The following CEP112 variants were observed in gnomAD, a reference collection of about 807,000 sequenced individuals.
CEP112 encodes centrosomal protein of 112 kDa.
In CEP112, 127 loss-of-function variants were observed where a neutral mutation model predicts 153.0. The observed-to-expected ratio is 0.83, with a 90% CI of 0.72 to 0.96. The LOEUF (loss-of-function observed/expected upper bound fraction) is 0.96, where lower values mean the gene tolerates loss of function less well. CEP112 is among the 40% of genes least tolerant of loss of function. The probability of loss-of-function intolerance (pLI) is 0.00; values close to 1 mark genes in which losing one functional copy is unlikely to be tolerated. For synonymous variants in CEP112, 358 were observed against 374.4 expected, an observed-to-expected ratio of 0.96 and a Z score of 0.51; for missense variants, 1,089 against 1,101.2, an observed-to-expected ratio of 0.99 and a Z score of 0.16.
intron 18 of CEP112, among the ~76,000 whole-genome samples, chr17:65,956,305 T>C (rs753588027): frequency 1.3e-5 from 2 of 152,014 alleles, no homozygotes; most frequent in Non-Finnish European, 2.9e-5. Context: ...TGCACATGCA[T>C]GTTTATAGCA....
chr17:66,112,013 G>T (rs142409036), intron 6 of CEP112, among the ~76,000 whole-genome samples: 1 of 152,106 alleles, frequency 6.6e-6, no homozygotes, highest in African/African-American at 2.4e-5. Context: ...TGAAAAGGCC[G>T]GGTGCGGTGG....
At chr17:66,020,991 G>C (rs1254865629) in intron 16 of CEP112, among the ~76,000 whole-genome samples, 1 of 152,116 alleles carries the variant, frequency 6.6e-6, no homozygotes, top group African/African-American at 2.4e-5. Context: ...TGAGAACTGA[G>C]TGAAGCTCCA....
chr17:65,701,494 A>G (rs939910131), intron 23 of CEP112, among the ~76,000 whole-genome samples: 3 of 152,222 alleles, frequency 2.0e-5, no homozygotes, highest in Admixed American at 6.5e-5. Context: ...CATGAGTTCC[A>G]TTTTAAAGTC....
Position 65,853,694 on chromosome 17 carries a change from C to T in CEP112, c.2164-1660G>A, listed in dbSNP as rs1354372195. 4.0e-5 allele frequency among the ~76,000 whole-genome samples: 6 copies of T among 150,596 alleles called. No homozygotes were observed. In the East Asian group the frequency reaches 7.9e-4, roughly 20 times the overall value. On this transcript the variant is annotated intron_variant, in intron 20 of 26. Coordinates refer to ENST00000535342, the MANE Select transcript of CEP112 (RefSeq NM_001199165.4). ...AGTGAGCTGAAATTGCGCCACTGCA[C>T]TCCCGCCTGGGCAACAGAGCGAGAC...
At position 65,887,108 on chromosome 17, in the gene CEP112, G is replaced by C. The variant is rs137943867; in HGVS notation, c.2163+15044C>G. Reference sequence around the variant, plus strand: ...GAGTAGTAGCAAGAAAAAAAAAACAGGTTTCCCCACCAATGGATATGCCTG... The same window carrying C: ...GAGTAGTAGCAAGAAAAAAAAAACACGTTTCCCCACCAATGGATATGCCTG... On this transcript the variant is annotated intron_variant, in intron 20 of 26. Transcript: ENST00000535342. Among the ~76,000 whole-genome samples, 1,185 of 152,008 alleles carry C rather than the reference G, an allele frequency of 7.8e-3. 18 individuals carry two copies. The highest frequency in any genetic ancestry group is 0.027 in the African/African-American group (1,109 of 41,402).
chr17:65,957,783 C>A (rs925342734), intron 18 of CEP112, among the ~76,000 whole-genome samples: 2 of 151,986 alleles, frequency 1.3e-5, no homozygotes, highest in Admixed American at 1.3e-4. Context: ...CTTTTCAAGA[C>A]TTTTATGAGA....
intron 12 of CEP112, among the ~76,000 whole-genome samples, chr17:66,035,817 G>A (rs981112108): frequency 6.6e-6 from 1 of 152,044 alleles, no homozygotes; most frequent in African/African-American, 2.4e-5. Flanking sequence ...AAACATACCA[G>A]GAAAACCAAA....
rs112509124 is a variant in CEP112, at chr17:65,694,567, C to T, written c.2608-5349G>A. 6.6e-3 allele frequency among the ~76,000 whole-genome samples: 1,003 copies of T among 152,192 alleles called. 11 individuals are homozygous for T. Among genetic ancestry groups the T allele is most frequent in the African/African-American group, 0.023 (947 of 41,522 alleles). The stretch of plus-strand genomic sequence containing the variant: ...TGTATTTAGAAATGACTTTCGTTAC[C>T]TATTAAAGATCAGTTAAAAAACTGA... On this transcript the variant is annotated intron_variant, in intron 23 of 26. Transcript: ENST00000535342.
chr17:65,893,069 A>G (rs2059529365), intron 20 of CEP112, among the ~76,000 whole-genome samples: 1 of 152,074 alleles, frequency 6.6e-6, no homozygotes, highest in Admixed American at 6.6e-5. Context: ...TCCACTGGAA[A>G]ATCCCCTTGT....
At chr17:65,990,843 G>T (rs905308648) in intron 17 of CEP112, among the ~76,000 whole-genome samples, 1 of 152,230 alleles carries the variant, frequency 6.6e-6, no homozygotes, top group Non-Finnish European at 1.5e-5. Flanking sequence ...CCCAAGCCCT[G>T]GGCAGTGGCC....
At chr17:65,794,661 T>A (rs974387224) in intron 21 of CEP112, among the ~76,000 whole-genome samples, 1 of 152,200 alleles carries the variant, frequency 6.6e-6, no homozygotes, top group Non-Finnish European at 1.5e-5. Flanking sequence ...ATTTTCTCCT[T>A]CGAATGTACC....
At chr17:65,649,073 A>AACAAAC (rs1378813988) in intron 24 of CEP112, among the ~76,000 whole-genome samples, 31 of 139,964 alleles carry the variant, frequency 2.2e-4, no homozygotes, top group East Asian at 4.2e-4. Context: ...CAAACAAACA[A>AACAAAC]ACACACACAC....
At chr17:66,035,273 C>T (rs935878820) in intron 12 of CEP112, among the ~76,000 whole-genome samples, 3 of 151,952 alleles carry the variant, frequency 2.0e-5, no homozygotes, top group Non-Finnish European at 2.9e-5. Context: ...TATGAGAGGA[C>T]GTGGTTCCTG....
chr17:66,027,103 G>A (rs184692574), intron 16 of CEP112, among the ~76,000 whole-genome samples: 41 of 152,290 alleles, frequency 2.7e-4, no homozygotes, highest in East Asian at 7.7e-4. Flanking sequence ...TTGGCTGGGC[G>A]CAATGGCTCA....
chr17:66,014,342 G>A (rs1004439523), intron 16 of CEP112, among the ~76,000 whole-genome samples: 4 of 152,174 alleles, frequency 2.6e-5, no homozygotes, highest in African/African-American at 9.7e-5. Context: ...AGTCTGCACT[G>A]TAAGCAGGCA....
intron 23 of CEP112, among the ~76,000 whole-genome samples, chr17:65,698,063 C>T (rs977000940): frequency 7.9e-5 from 12 of 151,918 alleles, no homozygotes; most frequent in African/African-American, 4.8e-5. Context: ...CCCAGCAACA[C>T]TTATTTTTTT....
chr17:66,053,614 T>TA, intron 12 of CEP112, 122 bp downstream of exon 12: 3 of 949,962 alleles, frequency 3.2e-6, no homozygotes, highest in Non-Finnish European at 4.6e-6. Flanking sequence ...AGTAGGAAGG[T>TA]AAAGTTTTTC....
chr17:65,670,650 A>G (rs2046938413), intron 24 of CEP112, among the ~76,000 whole-genome samples: 1 of 152,216 alleles, frequency 6.6e-6, no homozygotes, highest in Non-Finnish European at 1.5e-5. Context: ...ATCAATACAT[A>G]TTACATATTA....
chr17:66,182,813 C>T (rs997061363), intron 2 of CEP112, among the ~76,000 whole-genome samples: 1 of 152,090 alleles, frequency 6.6e-6, no homozygotes, highest in African/African-American at 2.4e-5. Context: ...TAGACAGGGC[C>T]GGAGAACAGG....
Sources: allele counts gnomAD v4.1 joint callset (sites outside exome capture counted in the v4.1 genomes callset), GRCh38; gene constraint gnomAD v4.1.1; transcripts MANE v1.5; gene names NCBI Gene and HGNC (gene_info 2026-07-23, HGNC 2026-07-21).